Variants in SIRPG observed in about 807,000 individuals in gnomAD.
SIRPG encodes signal regulatory protein gamma.
SIRPG carries 38 observed loss-of-function variants against 35.7 expected under a neutral mutation model. The observed-to-expected ratio is 1.06, with a 90% CI of 0.82 to 1.40. The LOEUF is 1.40. SIRPG is among the 40% of genes most tolerant of loss of function. The pLI is 0.00. For synonymous variants in SIRPG, 215 were observed against 190.4 expected (o/e 1.13, Z -1.06); for missense variants, 519 against 483.0 (o/e 1.07, Z -0.70).
chr20:1,630,150 TG>T (rs1368591627), intron 5 of SIRPG, 71 bp downstream of exon 5: 3 of 1,169,674 alleles, frequency 2.6e-6, no homozygotes, highest in Non-Finnish European at 3.7e-6. Context: ...GCATGGCATG[TG>T]GGCTGGGCCT....
intron 2 of SIRPG, among the ~76,000 whole-genome samples, chr20:1,644,372 T>A (rs552533912): frequency 2.0e-5 from 3 of 152,264 alleles, no homozygotes; most frequent in Admixed American, 2.0e-4. Context: ...TGTTGGGCTG[T>A]GGGGGATACC....
intron 1 of SIRPG, among the ~76,000 whole-genome samples, 154 bp downstream of exon 1, chr20:1,657,488 A>G (rs572648090): frequency 6.6e-6 from 1 of 152,354 alleles, no homozygotes; most frequent in African/African-American, 2.4e-5. Context: ...CCACAGAGAA[A>G]GTGCTCAGCT....
rs183233586 is a variant in SIRPG, at chr20:1,639,212, G to A, written c.431-2707C>T. Among the ~76,000 whole-genome samples the A allele has an allele frequency of 3.6e-3, 553 of 151,986 alleles. 1 individual carries two copies. The highest frequency in any genetic ancestry group is 0.012 in the African/African-American group (493 of 41,432). ...AGTCACCACACTGTCTTCCACAATC[G>A]TTGAACTAATTTACATTCCCACCAA... On this transcript the variant is annotated intron_variant, in intron 2 of 5. Transcript: ENST00000303415.
chr20:1,647,808 A>C (rs907426403), intron 2 of SIRPG: 2 of 152,212 alleles, frequency 1.3e-5, no homozygotes, highest in African/African-American at 2.4e-5. Flanking sequence ...AATGGGCTTT[A>C]GTGTCTGAAT....
chr20:1,632,905 C>A (rs2122411223), intron 4 of SIRPG, among the ~76,000 whole-genome samples: 1 of 151,650 alleles, frequency 6.6e-6, no homozygotes, highest in South Asian at 2.1e-4. Flanking sequence ...AAGAAGAGTG[C>A]AAAAAATGAA....
the SIRPG span, among the ~76,000 whole-genome samples, chr20:1,675,360 C>G: frequency 6.6e-6 from 1 of 152,290 alleles, no homozygotes; most frequent in East Asian, 1.9e-4. Context: ...CCTTTAGGAA[C>G]AGGCTTGACA....
chr20:1,642,267 T>C (rs1463288400), intron 2 of SIRPG, among the ~76,000 whole-genome samples: 2 of 152,242 alleles, frequency 1.3e-5, no homozygotes, highest in Non-Finnish European at 2.9e-5. Flanking sequence ...TTTATGAATC[T>C]GGGTGCTCCT....
At chr20:1,657,581 CA>C in intron 1 of SIRPG, 60 bp downstream of exon 1, 1 of 1,542,140 alleles carries the variant, frequency 6.5e-7, no homozygotes, top group South Asian at 1.1e-5. Context: ...GCTGCAAGTC[CA>C]GGGGCAAGGC....
At chr20:1,639,586 A>G (rs571561758) in intron 2 of SIRPG, among the ~76,000 whole-genome samples, 59 of 152,130 alleles carry the variant, frequency 3.9e-4, no homozygotes, top group Non-Finnish European at 6.6e-4. Context: ...GTTCACTCTC[A>G]TGATAGTTTC....
At chr20:1,684,318 A>T in the SIRPG span, among the ~76,000 whole-genome samples, 13 of 152,180 alleles carry the variant, frequency 8.5e-5, no homozygotes, top group Non-Finnish European at 1.8e-4. Flanking sequence ...TTCTTTTCTG[A>T]GACATTTCAT....
At chr20:1,657,501 C>G in intron 1 of SIRPG, 141 bp downstream of exon 1, 1 of 825,102 alleles carries the variant, frequency 1.2e-6, no homozygotes, top group Non-Finnish European at 2.0e-6. Context: ...GCTCAGCTCC[C>G]TGATCTTCTG....
At chr20:1,668,643 C>T in the SIRPG span, among the ~76,000 whole-genome samples, 4 of 152,138 alleles carry the variant, frequency 2.6e-5, no homozygotes, top group South Asian at 2.1e-4. Flanking sequence ...AGCTCACACA[C>T]ACCACACAAA....
At chr20:1,671,032 G>T in the SIRPG span, 2 of 411,462 alleles carry the variant, frequency 4.9e-6, no homozygotes, top group Admixed American at 2.7e-5. Context: ...ACTTTCTCCT[G>T]CAGGGTCCAC....
At chr20:1,649,478 G>C in intron 1 of SIRPG, 70 bp from the exon 2 acceptor site, 1 of 1,377,832 alleles carries the variant, frequency 7.3e-7, no homozygotes, top group Non-Finnish European at 9.9e-7. Flanking sequence ...GTTTATCAAA[G>C]ATATTCAGTG....
At position 1,649,041 on chromosome 20, in the gene SIRPG, G is replaced by A. The variant is rs1279825357; in HGVS notation, c.430+11C>T. On this transcript the variant is annotated intron_variant, in intron 2 of 5. Transcript: ENST00000303415. ...ACATCAGGGGATGAGGGAGGTCCATGTTGTACTCACCACCCAAAGCCATCT... is the reference window on the plus strand; with the variant it reads ...ACATCAGGGGATGAGGGAGGTCCATATTGTACTCACCACCCAAAGCCATCT... 1 of 1,607,758 alleles carries A rather than the reference G, an allele frequency of 6.2e-7. No homozygotes were observed. Among genetic ancestry groups the A allele is most frequent in the Non-Finnish European group, 8.5e-7 (1 of 1,174,744 alleles).
chr20:1,657,636 G>A lies in SIRPG; in HGVS notation c.73+6C>T. On this transcript the variant is annotated splice_donor_region_variant and intron_variant, in intron 1 of 5. Coordinates refer to ENST00000303415, the MANE Select transcript of SIRPG (RefSeq NM_018556.4). ...AGAAAGGGTTCTAGCCCAATGCAATGCTCACCTGTAAGTCCCAGCAGTAGA... is the reference window on the plus strand; with the variant it reads ...AGAAAGGGTTCTAGCCCAATGCAATACTCACCTGTAAGTCCCAGCAGTAGA... The A allele has an allele frequency of 2.5e-6, 4 of 1,614,018 alleles. No individual in the cohort carries two copies. Among genetic ancestry groups the A allele is most frequent in the Non-Finnish European group, 3.4e-6 (4 of 1,179,906 alleles).
intron 1 of SIRPG, among the ~76,000 whole-genome samples, chr20:1,651,017 G>T (rs7264491): frequency 0.019 from 2,903 of 152,258 alleles, 103 homozygotes; most frequent in African/African-American, 0.065. Context: ...CCTGGCGAAA[G>T]TGTCCTTCAA....
At chr20:1,674,703 T>C in the SIRPG span, among the ~76,000 whole-genome samples, 1 of 152,294 alleles carries the variant, frequency 6.6e-6, no homozygotes, top group East Asian at 1.9e-4. Flanking sequence ...TTATCAGCAT[T>C]GCACAGATAG....
intron 3 of SIRPG, 37 bp downstream of exon 3, chr20:1,636,151 C>T: frequency 1.2e-6 from 2 of 1,608,906 alleles, no homozygotes; most frequent in Non-Finnish European, 1.7e-6. Flanking sequence ...GCTTGACAGC[C>T]AGGTGTGGGC....
Sources: allele counts gnomAD v4.1 joint callset (sites outside exome capture counted in the v4.1 genomes callset), GRCh38; gene constraint gnomAD v4.1.1; transcripts MANE v1.5; gene names NCBI Gene and HGNC (gene_info 2026-07-23, HGNC 2026-07-21).